PAPSS2: variants seen among roughly 807,000 people sequenced by gnomAD.
PAPSS2 encodes bifunctional 3'-phosphoadenosine 5'-phosphosulfate synthase 2.
PAPSS2 carries 61 observed loss-of-function variants against 66.5 expected under a neutral mutation model. That is an observed-to-expected ratio of 0.92 (90% CI 0.75 to 1.14). The LOEUF is 1.14. Among genes scored for constraint, PAPSS2 ranks in the 50% most tolerant of loss-of-function variants. PAPSS2 has a pLI of 0.00. For synonymous variants in PAPSS2, 289 were observed against 287.5 expected (o/e 1.01, Z -0.05); for missense variants, 708 against 789.6 (o/e 0.90, Z 1.24).
In PAPSS2 at chr10:87,706,104, ATATATG is replaced by A. The variant is rs759553892; in HGVS notation, c.28-3090_28-3085del. Among the ~76,000 whole-genome samples the A allele has an allele frequency of 2.8e-4, 22 of 78,102 alleles. 1 individual carries two copies. The highest frequency in any genetic ancestry group is 1.4e-3 in the African/African-American group (17 of 11,740). The allele number at this position is 78,102 out of a possible 152,430, so 51.2% of individuals were successfully genotyped here. A position where few individuals can be genotyped will look rare whatever the true frequency, so the allele number is the denominator to read the frequency against. ...ACATGGTATATATATATATATATAT[ATATATG>A]TGTGTGTGTGTGTGTGTGTGTGTGT... On this transcript the variant is annotated intron_variant, in intron 1 of 12. Transcript: ENST00000456849.
chr10:87,702,783 C>A (rs148394076), intron 1 of PAPSS2, among the ~76,000 whole-genome samples: 69 of 152,264 alleles, frequency 4.5e-4, no homozygotes, highest in African/African-American at 1.5e-3. Context: ...CACCAGACAC[C>A]TGGTTTAGGG....
intron 9 of PAPSS2, among the ~76,000 whole-genome samples, chr10:87,732,211 A>T (rs1164360977): frequency 6.6e-6 from 1 of 152,232 alleles, no homozygotes; most frequent in African/African-American, 2.4e-5. Context: ...TCAGAGGATC[A>T]TTAACATTTT....
intron 1 of PAPSS2, among the ~76,000 whole-genome samples, chr10:87,663,005 A>G (rs565343198): frequency 6.0e-5 from 9 of 150,672 alleles, no homozygotes; most frequent in Admixed American, 2.0e-4. Context: ...CAGCCTCCCA[A>G]GTAGCTGGGA....
chr10:87,693,407 C>A (rs1256818333), intron 1 of PAPSS2, among the ~76,000 whole-genome samples: 9 of 152,318 alleles, frequency 5.9e-5, no homozygotes, highest in Non-Finnish European at 1.0e-4. Context: ...AGTGAACAAC[C>A]TTTGCATATG....
chr10:87,672,303 G>A (rs1301923486), intron 1 of PAPSS2, among the ~76,000 whole-genome samples: 3 of 152,138 alleles, frequency 2.0e-5, no homozygotes, highest in East Asian at 1.9e-4. Context: ...CAAGTTAACT[G>A]TGTGCTGTGA....
In PAPSS2 at chr10:87,712,655, C is replaced by T. The variant is rs111375101; in HGVS notation, c.146-420C>T. Among the ~76,000 whole-genome samples, 596 of 152,186 alleles carry T rather than the reference C, an allele frequency of 3.9e-3. 7 individuals carry two copies. Among genetic ancestry groups the T allele is most frequent in the African/African-American group, 0.014 (574 of 41,504 alleles). ...TGTTTTTTGTAGATGCAGGGCCTCA[C>T]TATGTTCCCCAGGCTAGTTTCGAAC... On this transcript the variant is annotated intron_variant, in intron 2 of 12. Transcript: ENST00000456849.
In PAPSS2 at chr10:87,745,820, A is replaced by G. The variant is rs1032947984; in HGVS notation, c.1722-12A>G. On this transcript the variant is annotated splice_polypyrimidine_tract_variant and intron_variant, in intron 12 of 12. Coordinates refer to ENST00000456849, the MANE Select transcript of PAPSS2 (RefSeq NM_001015880.2). ...TACCTACACTGAGTTCTTTGTTGCC[A>G]CCCTGTAACAGGCACAATGAGTTTG... 2.5e-6 allele frequency: 4 copies of G among 1,613,960 alleles called. No individual in the cohort carries two copies. Among genetic ancestry groups the G allele is most frequent in the Non-Finnish European group, 3.4e-6 (4 of 1,179,906 alleles).
chr10:87,735,798 A>G (rs1471336432), intron 9 of PAPSS2, among the ~76,000 whole-genome samples: 1 of 152,204 alleles, frequency 6.6e-6, no homozygotes. Flanking sequence ...ATCTTCAGAT[A>G]TTGTCAAATG....
intron 7 of PAPSS2, among the ~76,000 whole-genome samples, chr10:87,719,389 G>T (rs1434854772): frequency 6.6e-6 from 1 of 152,136 alleles, no homozygotes; most frequent in Non-Finnish European, 1.5e-5. Context: ...GATGTTGAAA[G>T]TTTAAAAGAA....
rs2131931505 is a variant in PAPSS2 at position 87,709,212 on chromosome 10, C to A, written c.44C>A (p.Ser15Tyr). 1 of 1,612,038 alleles carries A rather than the reference C, an allele frequency of 6.2e-7. No individual in the cohort carries two copies. Among genetic ancestry groups the A allele is most frequent in the Non-Finnish European group, 8.5e-7 (1 of 1,178,280 alleles). The change falls in exon 2 of 13, where the codon TCC becomes TAC. Residue 15 changes from serine to tyrosine, a missense_variant. By Grantham distance (144) the Ser-to-Tyr change is moderately radical. Transcript: ENST00000456849. Reference sequence around the variant, plus strand: ...ATTTTATAGGAGAACCAGCAGAAATCCACCAATGTAGTCTATCAGGCCCAC... The same window carrying A: ...ATTTTATAGGAGAACCAGCAGAAATACACCAATGTAGTCTATCAGGCCCAC... ...KKQKTENQQK[S>Y]TNVVYQAHHV...
chr10:87,704,761 C>A (rs1488510726), intron 1 of PAPSS2, among the ~76,000 whole-genome samples: 1 of 152,120 alleles, frequency 6.6e-6, no homozygotes, highest in African/African-American at 2.4e-5. Flanking sequence ...CCTGCCTCAG[C>A]CTCTCAAGTA....
intron 1 of PAPSS2, among the ~76,000 whole-genome samples, chr10:87,706,108 A>ATATATATATATATATATATGTGTGTG: frequency 3.1e-4 from 16 of 52,004 alleles, no homozygotes; most frequent in African/African-American, 1.4e-3. Flanking sequence ...ATATATATAT[A>ATATATATATATATATATATGTGTGTG]TGTGTGTGTG....
rs201713009 is a variant in PAPSS2 at position 87,733,549 on chromosome 10, AG to A, written c.1086+6061del. ...ATGAAAGATGGGAATGAGAGTTTAT[AG>A]CCTTTAGCTCCACAATGAAAACCAT... On this transcript the variant is annotated intron_variant, in intron 9 of 12. Transcript: ENST00000456849. 4.5e-4 allele frequency among the ~76,000 whole-genome samples: 68 copies of A among 152,298 alleles called. No homozygotes were observed. The East Asian group carries it at 0.013, about 29-fold the overall frequency.
At chr10:87,707,829 C>T (rs1487594053) in intron 1 of PAPSS2, among the ~76,000 whole-genome samples, 1 of 152,146 alleles carries the variant, frequency 6.6e-6, no homozygotes, top group East Asian at 1.9e-4. Context: ...GCCTTGACCT[C>T]CCAAAGTGCT....
At chr10:87,692,547 T>A (rs539287690) in intron 1 of PAPSS2, among the ~76,000 whole-genome samples, 1 of 152,100 alleles carries the variant, frequency 6.6e-6, no homozygotes, top group South Asian at 2.1e-4. Context: ...AAGAGAGAGT[T>A]TTCCAGAAAA....
chr10:87,712,742 C>A (rs564049345), intron 2 of PAPSS2, among the ~76,000 whole-genome samples: 1 of 152,142 alleles, frequency 6.6e-6, no homozygotes, highest in Non-Finnish European at 1.5e-5. Flanking sequence ...CAGGCATGAG[C>A]CACCACCATG....
chr10:87,710,979 G>C (rs1056027813), intron 2 of PAPSS2, among the ~76,000 whole-genome samples: 1 of 152,156 alleles, frequency 6.6e-6, no homozygotes. Flanking sequence ...TCCAGCCTGG[G>C]TGACAGAATG....
chr10:87,744,476 C>A (rs1460664989), intron 11 of PAPSS2, among the ~76,000 whole-genome samples: 2 of 152,168 alleles, frequency 1.3e-5, no homozygotes, highest in Admixed American at 1.3e-4. Context: ...TGAATTAATT[C>A]TCTTCAATCA....
At chr10:87,661,257 G>T (rs1852749265) in intron 1 of PAPSS2, among the ~76,000 whole-genome samples, 1 of 152,106 alleles carries the variant, frequency 6.6e-6, no homozygotes, top group South Asian at 2.1e-4. Flanking sequence ...TGTGGCTCCA[G>T]GGACCATACT....
Sources: gnomAD v4.1 joint callset for allele counts (sites outside exome capture counted in the v4.1 genomes callset) on GRCh38, gnomAD v4.1.1 for gene constraint, MANE v1.5 for transcripts, NCBI Gene and HGNC (gene_info 2026-07-23, HGNC 2026-07-21) for gene names.